The following NDUFS4 variants were observed in gnomAD, a reference collection of about 807,000 sequenced individuals.
NDUFS4 encodes the protein NADH:ubiquinone oxidoreductase subunit S4, also known as NADH dehydrogenase [ubiquinone] iron-sulfur protein 4, mitochondrial.
A neutral mutation model predicts 24.3 loss-of-function variants in NDUFS4; 28 were observed. That is an observed-to-expected ratio of 1.15 (90% CI 0.85 to 1.58). The LOEUF (loss-of-function observed/expected upper bound fraction) is 1.58, where lower values mean the gene tolerates loss of function less well. Among genes scored for constraint, NDUFS4 ranks in the 40% most tolerant of loss-of-function variants. The pLI is 0.00. For synonymous variants in NDUFS4, 93 were observed against 69.7 expected (o/e 1.34, Z -1.67); for missense variants, 223 against 207.9 (o/e 1.07, Z -0.45).
At chr5:53,619,021 T>A (rs926214842) in intron 2 of NDUFS4, among the ~76,000 whole-genome samples, 11 of 151,560 alleles carry the variant, frequency 7.3e-5, no homozygotes, top group Non-Finnish European at 1.5e-4. Context: ...GGCTGAGACA[T>A]GAAAATTGCT....
At chr5:53,571,293 T>C (rs1749202311) in intron 1 of NDUFS4, among the ~76,000 whole-genome samples, 1 of 152,220 alleles carries the variant, frequency 6.6e-6, no homozygotes, top group African/African-American at 2.4e-5. Context: ...AGTCATATAA[T>C]ATATGGTCTT....
intron 2 of NDUFS4, among the ~76,000 whole-genome samples, chr5:53,621,833 C>T (rs1751046396): frequency 6.6e-6 from 1 of 150,926 alleles, no homozygotes; most frequent in South Asian, 2.1e-4. Flanking sequence ...TCCCGTGTAG[C>T]TGGGACTACA....
chr5:53,562,169 A>G (rs995200633), intron 1 of NDUFS4, among the ~76,000 whole-genome samples: 1 of 152,026 alleles, frequency 6.6e-6, no homozygotes, highest in Non-Finnish European at 1.5e-5. Context: ...ACACCTGGCT[A>G]ATTTTTGTAT....
At chr5:53,662,639 T>C (rs1752379683) in intron 4 of NDUFS4, among the ~76,000 whole-genome samples, 1 of 152,100 alleles carries the variant, frequency 6.6e-6, no homozygotes, top group Non-Finnish European at 1.5e-5. Context: ...CTTTTTTTGG[T>C]TGGTAATCTA....
chr5:53,574,224 G>A (rs1749314944), intron 1 of NDUFS4, among the ~76,000 whole-genome samples: 1 of 152,098 alleles, frequency 6.6e-6, no homozygotes. Context: ...AAGGTTTTTT[G>A]TAGAAATACC....
chr5:53,680,285 G>C (rs571768659), intron 4 of NDUFS4, among the ~76,000 whole-genome samples: 1 of 152,034 alleles, frequency 6.6e-6, no homozygotes, highest in Non-Finnish European at 1.5e-5. Context: ...TCAGTGTGGC[G>C]ATTCCTCAGG....
At chr5:53,611,538 A>C (rs545306044) in intron 2 of NDUFS4, among the ~76,000 whole-genome samples, 1 of 152,202 alleles carries the variant, frequency 6.6e-6, no homozygotes, top group African/African-American at 2.4e-5. Context: ...AGTAGATGAC[A>C]GCATCTGAAA....
intron 1 of NDUFS4, among the ~76,000 whole-genome samples, chr5:53,583,371 A>G (rs1749636080): frequency 6.6e-6 from 1 of 152,228 alleles, no homozygotes; most frequent in African/African-American, 2.4e-5. Flanking sequence ...CCTGTCAGAA[A>G]GACAGCTTTC....
chr5:53,681,478 CAA>C (rs1238932722), intron 4 of NDUFS4, among the ~76,000 whole-genome samples: 3 of 152,060 alleles, frequency 2.0e-5, no homozygotes, highest in Admixed American at 6.6e-5. Flanking sequence ...TTATGAAAGA[CAA>C]AGTTTTCTTA....
At chr5:53,602,401 T>G (rs1750353808) in intron 1 of NDUFS4, among the ~76,000 whole-genome samples, 1 of 152,140 alleles carries the variant, frequency 6.6e-6, no homozygotes, top group Non-Finnish European at 1.5e-5. Flanking sequence ...ACCTTAAATT[T>G]GGTAAATAAT....
intron 1 of NDUFS4, among the ~76,000 whole-genome samples, chr5:53,595,274 A>G (rs1750100623): frequency 2.0e-5 from 3 of 152,138 alleles, no homozygotes; most frequent in South Asian, 2.1e-4. Context: ...ACCTAATTTT[A>G]TAAAAATTCT....
chr5:53,629,092 T>C (rs1302118538), intron 2 of NDUFS4, among the ~76,000 whole-genome samples: 1 of 152,242 alleles, frequency 6.6e-6, no homozygotes, highest in Admixed American at 6.5e-5. Flanking sequence ...TTGTTCTCAC[T>C]GGTTTCAAAG....
intron 4 of NDUFS4, among the ~76,000 whole-genome samples, chr5:53,675,310 C>G (rs1579945748): frequency 1.3e-5 from 2 of 151,710 alleles, no homozygotes; most frequent in Non-Finnish European, 2.9e-5. Context: ...CTACAGGCGC[C>G]CGCCACCACG....
intron 2 of NDUFS4, among the ~76,000 whole-genome samples, chr5:53,617,939 C>T (rs1750898365): frequency 6.6e-6 from 1 of 151,968 alleles, no homozygotes; most frequent in South Asian, 2.1e-4. Flanking sequence ...ATGAATATAC[C>T]TTTTTATATT....
At chr5:53,571,884 T>A (rs952281445) in intron 1 of NDUFS4, among the ~76,000 whole-genome samples, 3 of 152,236 alleles carry the variant, frequency 2.0e-5, no homozygotes, top group Non-Finnish European at 2.9e-5. Context: ...GTTATTTTCT[T>A]ATTGTTCAGC....
intron 1 of NDUFS4, chr5:53,573,507 A>G (rs1258883155): frequency 4.6e-6 from 2 of 432,006 alleles, no homozygotes; most frequent in Non-Finnish European, 9.1e-6. Context: ...CAGATCCTGT[A>G]TATGTTTCGT....
At chr5:53,628,943 C>A (rs1751314266) in intron 2 of NDUFS4, among the ~76,000 whole-genome samples, 1 of 152,000 alleles carries the variant, frequency 6.6e-6, no homozygotes, top group Admixed American at 6.6e-5. Context: ...TTTGCTTTTG[C>A]TTCTCTAGTT....
intron 4 of NDUFS4, 138 bp from the exon 5 acceptor site, chr5:53,682,980 C>A (rs1463737283): frequency 1.5e-5 from 11 of 744,610 alleles, no homozygotes; most frequent in African/African-American, 5.2e-5. Context: ...GTAAGTATAT[C>A]TCAGATGTGT....
At chr5:53,664,067 G>T (rs1446809006) in intron 4 of NDUFS4, among the ~76,000 whole-genome samples, 1 of 152,136 alleles carries the variant, frequency 6.6e-6, no homozygotes, top group Non-Finnish European at 1.5e-5. Context: ...GTCTGTAAAG[G>T]ATTTTATTTC....
Sources: gnomAD v4.1 joint callset for allele counts (sites outside exome capture counted in the v4.1 genomes callset) on GRCh38, gnomAD v4.1.1 for gene constraint, MANE v1.5 for transcripts, NCBI Gene and HGNC (gene_info 2026-07-23, HGNC 2026-07-21) for gene names.